The following TRMT2B variants were observed in gnomAD, a reference collection of about 807,000 sequenced individuals.
TRMT2B encodes the protein tRNA (uracil-5-)-methyltransferase homolog B.
In TRMT2B, 34 loss-of-function variants were observed where a neutral mutation model predicts 39.7. That is an observed-to-expected ratio of 0.86 (90% CI 0.65 to 1.14). The LOEUF (loss-of-function observed/expected upper bound fraction) is 1.14, where lower values mean the gene tolerates loss of function less well. Among genes scored for constraint, TRMT2B ranks in the 50% most tolerant of loss-of-function variants. The probability of loss-of-function intolerance (pLI) is 0.00; values close to 1 mark genes in which losing one functional copy is unlikely to be tolerated. For missense variants in TRMT2B, 318 were observed against 377.2 expected (o/e 0.84, Z 1.30); for synonymous variants, 132 against 137.3 (o/e 0.96, Z 0.27).
intron 2 of TRMT2B, among the ~76,000 whole-genome samples, chrX:101,044,626 G>C (rs1027944147): frequency 2.7e-5 from 3 of 111,381 alleles, no homozygotes; most frequent in Non-Finnish European, 5.7e-5. Flanking sequence ...GGGAGGCCAA[G>C]GCAGGTGGAT....
At chrX:100,993,798 A>G in the TRMT2B span, among the ~76,000 whole-genome samples, 1 of 111,629 alleles carries the variant, frequency 9.0e-6, no homozygotes, top group African/African-American at 3.3e-5. Context: ...GTGAATCTTA[A>G]TTGTGTTGCT....
chrX:101,036,275 G>A (rs982405658), intron 6 of TRMT2B, among the ~76,000 whole-genome samples: 2 of 109,224 alleles, frequency 1.8e-5, no homozygotes, highest in East Asian at 2.9e-4. Flanking sequence ...GCGAAACCCC[G>A]TCTCTACCAA....
In TRMT2B at chrX:101,023,660, T is replaced by C. The variant is rs763903611; in HGVS notation, c.610-44A>G. On this transcript the variant is annotated intron_variant, in intron 7 of 13. Transcript: ENST00000372936. ...TATTACACAAGCAAAACTAGCAAGT[T>C]TCACAGCTGTTTACTCATGCTAGGT... 50 of 1,146,402 alleles carry C rather than the reference T, an allele frequency of 4.4e-5. No homozygotes were observed. In the Admixed American group the frequency reaches 8.4e-4, roughly 19 times the overall value. 94.5% of individuals were successfully genotyped at this position (1,146,402 alleles called of 1,213,427 possible). A position where few individuals can be genotyped will look rare whatever the true frequency, so the allele number is the denominator to read the frequency against.
chrX:101,030,568 C>T (rs1189276841), intron 7 of TRMT2B, among the ~76,000 whole-genome samples: 2 of 106,394 alleles, frequency 1.9e-5, no homozygotes, highest in African/African-American at 7.0e-5. Context: ...CTGCCTCAGC[C>T]TCCTGAGAAT....
At chrX:101,026,977 A>G (rs2087129499) in intron 7 of TRMT2B, among the ~76,000 whole-genome samples, 1 of 111,442 alleles carries the variant, frequency 9.0e-6, no homozygotes, top group Admixed American at 9.7e-5. Context: ...TTGTCGTAAA[A>G]CTAATCACAA....
chrX:101,047,309 C>T (rs1016570290), intron 2 of TRMT2B, among the ~76,000 whole-genome samples: 6 of 110,969 alleles, frequency 5.4e-5, no homozygotes, highest in Non-Finnish European at 1.1e-4. Flanking sequence ...GTAAGCATTA[C>T]TAGTAACTGT....
At chrX:100,974,515 G>A in the TRMT2B span, among the ~76,000 whole-genome samples, 1 of 110,962 alleles carries the variant, frequency 9.0e-6, no homozygotes, top group Non-Finnish European at 1.9e-5. Context: ...TTCAAACTAC[G>A]TAAAGCATTG....
At chrX:101,037,778 A>G in intron 5 of TRMT2B, 139 bp downstream of exon 5, 1 of 643,497 alleles carries the variant, frequency 1.6e-6, no homozygotes, top group Non-Finnish European at 2.4e-6. Flanking sequence ...AGGTTATTAT[A>G]AACAGTAAAA....
chrX:100,982,023 A>G, the TRMT2B span, among the ~76,000 whole-genome samples: 1 of 110,504 alleles, frequency 9.0e-6, no homozygotes, highest in African/African-American at 3.3e-5. Context: ...TGGCATGGTC[A>G]TGAAAGGCAA....
At chrX:101,042,398 T>C in intron 2 of TRMT2B, 86 bp from the exon 3 acceptor site, 1 of 1,011,969 alleles carries the variant, frequency 9.9e-7, no homozygotes, top group South Asian at 2.4e-5. Flanking sequence ...CTTATGGAAC[T>C]GAAGCGCCTA....
chrX:101,010,278 G>GGC lies in TRMT2B; in HGVS notation c.*301_*302dup, dbSNP rs773571531. 2.2e-4 allele frequency: 43 copies of GGC among 193,460 alleles called. 2 individuals are homozygous for GGC. The South Asian group carries it at 6.3e-3, about 28-fold the overall frequency. 15.9% of individuals were successfully genotyped at this position (193,460 alleles called of 1,213,427 possible). ...AATACAAAAATTAGCCGGGCATGGT[G>GGC]GCACGCACCTTTAATCCTAGCTACT... On this transcript the variant is annotated 3_prime_UTR_variant, in exon 14 of 14. Transcript: ENST00000372936.
chrX:100,977,092 A>G, the TRMT2B span, among the ~76,000 whole-genome samples: 1 of 111,841 alleles, frequency 8.9e-6, no homozygotes, highest in Admixed American at 9.5e-5. Flanking sequence ...TACGTGAGAT[A>G]CGTTGATACA....
At chrX:101,010,779 A>AT (rs1336141263) in intron 13 of TRMT2B, 72 bp from the exon 14 acceptor site, 32 of 1,068,243 alleles carry the variant, frequency 3.0e-5, no homozygotes, top group Non-Finnish European at 3.8e-5. Context: ...ATTGCCTAAA[A>AT]TAGAGGCCCT....
chrX:100,990,618 T>C, the TRMT2B span: 84 of 1,134,002 alleles, frequency 7.4e-5, 1 homozygote, highest in African/African-American at 2.7e-4. Context: ...ATGGCATCCA[T>C]TGAGAATGAA....
At chrX:100,995,770 C>T in the TRMT2B span, among the ~76,000 whole-genome samples, 18 of 112,013 alleles carry the variant, frequency 1.6e-4, no homozygotes, top group African/African-American at 5.8e-4. Context: ...CAATTATGTG[C>T]ACTGTGTGGG....
At chrX:100,992,730 T>C in the TRMT2B span, among the ~76,000 whole-genome samples, 3 of 111,843 alleles carry the variant, frequency 2.7e-5, no homozygotes, top group African/African-American at 9.7e-5. Context: ...ATAATTACCT[T>C]TCATCTTCAA....
At chrX:101,031,402 C>G (rs1191726741) in intron 7 of TRMT2B, among the ~76,000 whole-genome samples, 1 of 112,273 alleles carries the variant, frequency 8.9e-6, no homozygotes, top group Non-Finnish European at 1.9e-5. Context: ...GCAGACACTT[C>G]AAACAGGAAA....
the TRMT2B span, among the ~76,000 whole-genome samples, chrX:100,991,413 C>T: frequency 3.0e-5 from 3 of 100,023 alleles, no homozygotes; most frequent in African/African-American, 1.0e-4. Context: ...CAGAGTCTCA[C>T]TGTCTCCCAG....
the TRMT2B span, chrX:100,986,902 G>A: frequency 8.6e-7 from 1 of 1,156,389 alleles, no homozygotes; most frequent in Non-Finnish European, 1.2e-6. Context: ...ATGCCGAGTA[G>A]TAAGTGTCAA....
Sources: gnomAD v4.1 joint callset for allele counts (sites outside exome capture counted in the v4.1 genomes callset) on GRCh38, gnomAD v4.1.1 for gene constraint, MANE v1.5 for transcripts, NCBI Gene and HGNC (gene_info 2026-07-23, HGNC 2026-07-21) for gene names.